CMC1: variants seen among roughly 807,000 people sequenced by gnomAD.
CMC1 encodes C-X9-C motif containing 1.
CMC1 carries 14 observed loss-of-function variants against 14.1 expected under a neutral mutation model. That is an observed-to-expected ratio of 0.99 (90% CI 0.66 to 1.55). The LOEUF is 1.55. CMC1 is among the 40% of genes most tolerant of loss of function. The pLI is 0.00. For missense variants in CMC1, 127 were observed against 123.8 expected (o/e 1.03, Z -0.12); for synonymous variants, 50 against 38.4 (o/e 1.30, Z -1.12).
intron 2 of CMC1, among the ~76,000 whole-genome samples, chr3:28,283,551 C>CAAAAAAAACA (rs1701014203): frequency 8.5e-6 from 1 of 118,288 alleles, no homozygotes; most frequent in African/African-American, 3.1e-5. Flanking sequence ...ACAACAAAAA[C>CAAAAAAAACA]AAAAAAAAAA....
chr3:28,253,472 T>C (rs1042533669), intron 1 of CMC1, among the ~76,000 whole-genome samples: 1 of 152,108 alleles, frequency 6.6e-6, no homozygotes, highest in Non-Finnish European at 1.5e-5. Context: ...TTCCAACTAC[T>C]TGGGAGGCTG....
rs960165341 is a variant in CMC1, at chr3:28,269,264, A to G, written c.109+5884A>G. On this transcript the variant is annotated intron_variant, in intron 2 of 3. Transcript: ENST00000466830. ...TTACTTACTGATCCAGTGGTTCTCA[A>G]TTGTATGTGTTAGCTCATATGCTCA... Among the ~76,000 whole-genome samples, 10 of 152,272 alleles carry G rather than the reference A, an allele frequency of 6.6e-5. No individual in the cohort carries two copies. The South Asian group carries it at 8.3e-4, about 13-fold the overall frequency.
At chr3:28,256,174 T>C (rs1029073911) in intron 1 of CMC1, among the ~76,000 whole-genome samples, 6 of 151,502 alleles carry the variant, frequency 4.0e-5, no homozygotes, top group Non-Finnish European at 7.4e-5. Flanking sequence ...TATATATATA[T>C]ACACACATAT....
chr3:28,254,826 A>G (rs1411126813), intron 1 of CMC1, among the ~76,000 whole-genome samples: 1 of 152,224 alleles, frequency 6.6e-6, no homozygotes, highest in Non-Finnish European at 1.5e-5. Flanking sequence ...GTAATTTTGT[A>G]TAATCCAATG....
intron 1 of CMC1, among the ~76,000 whole-genome samples, chr3:28,244,510 A>G (rs1199787222): frequency 3.9e-5 from 6 of 152,166 alleles, no homozygotes; most frequent in African/African-American, 1.4e-4. Context: ...GGCAGATCGC[A>G]TGAGCTCAGG....
intron 2 of CMC1, among the ~76,000 whole-genome samples, chr3:28,285,269 G>T (rs1044605131): frequency 1.3e-5 from 2 of 152,142 alleles, no homozygotes; most frequent in African/African-American, 4.8e-5. Flanking sequence ...CTCTGCTGGG[G>T]AGGAAGGACT....
chr3:28,284,156 G>C (rs1701049702), intron 2 of CMC1, among the ~76,000 whole-genome samples: 1 of 152,046 alleles, frequency 6.6e-6, no homozygotes, highest in South Asian at 2.1e-4. Context: ...CTTATTTATT[G>C]TTGAGCATAT....
chr3:28,279,754 A>T (rs1292167921), intron 2 of CMC1, among the ~76,000 whole-genome samples: 6 of 152,188 alleles, frequency 3.9e-5, no homozygotes. Flanking sequence ...GAGGGGAAAA[A>T]AAAAGATTTA....
At chr3:28,252,830 C>A (rs1576978483) in intron 1 of CMC1, among the ~76,000 whole-genome samples, 1 of 152,122 alleles carries the variant, frequency 6.6e-6, no homozygotes, top group Non-Finnish European at 1.5e-5. Context: ...TCTTTATCTG[C>A]AAAATGAAAT....
chr3:28,316,561 C>T (rs903697913), intron 3 of CMC1, 138 bp downstream of exon 3: 3 of 423,050 alleles, frequency 7.1e-6, no homozygotes, highest in Non-Finnish European at 1.3e-5. Flanking sequence ...TCTAAAGTTC[C>T]AGTACAGTCT....
intron 2 of CMC1, among the ~76,000 whole-genome samples, chr3:28,278,444 T>C (rs763974697): frequency 2.0e-5 from 3 of 152,172 alleles, no homozygotes; most frequent in Admixed American, 6.5e-5. Context: ...TGTACAATTG[T>C]GGTGGTTCTA....
intron 2 of CMC1, among the ~76,000 whole-genome samples, chr3:28,281,923 A>C (rs1314365890): frequency 6.6e-6 from 1 of 152,150 alleles, no homozygotes; most frequent in Non-Finnish European, 1.5e-5. Flanking sequence ...TGACCTTAGG[A>C]AACCAGTGGT....
intron 1 of CMC1, among the ~76,000 whole-genome samples, chr3:28,253,280 G>A (rs1030477710): frequency 4.6e-5 from 7 of 152,168 alleles, no homozygotes; most frequent in African/African-American, 1.7e-4. Context: ...TTCATAGCTA[G>A]TAAAGAAGAG....
intron 2 of CMC1, among the ~76,000 whole-genome samples, chr3:28,312,880 G>A (rs576124903): frequency 9.6e-4 from 146 of 151,346 alleles, no homozygotes; most frequent in South Asian, 5.9e-3. Flanking sequence ...TTTTTGAGAC[G>A]GAGTCTCACT....
At chr3:28,302,874 C>T (rs187256546) in intron 2 of CMC1, among the ~76,000 whole-genome samples, 32 of 152,230 alleles carry the variant, frequency 2.1e-4, no homozygotes, top group Admixed American at 7.2e-4. Flanking sequence ...TGGGTTAAGT[C>T]TCTATTGCGT....
intron 1 of CMC1, among the ~76,000 whole-genome samples, chr3:28,261,851 A>G (rs1263169589): frequency 6.6e-6 from 1 of 152,152 alleles, no homozygotes; most frequent in Non-Finnish European, 1.5e-5. Context: ...TTGGTATACC[A>G]TATAGGTTCG....
chr3:28,253,064 ACT>A (rs1211042755), intron 1 of CMC1, among the ~76,000 whole-genome samples: 1 of 151,834 alleles, frequency 6.6e-6, no homozygotes, highest in Non-Finnish European at 1.5e-5. Context: ...TCCTCATTTT[ACT>A]CTGTCGTTAT....
chr3:28,310,815 G>A (rs950303967), intron 2 of CMC1, among the ~76,000 whole-genome samples: 4 of 152,156 alleles, frequency 2.6e-5, no homozygotes, highest in African/African-American at 9.6e-5. Flanking sequence ...GTGGTTTTGG[G>A]ATGAAACTAT....
At chr3:28,284,014 C>T (rs915601667) in intron 2 of CMC1, among the ~76,000 whole-genome samples, 2 of 152,084 alleles carry the variant, frequency 1.3e-5, no homozygotes, top group African/African-American at 4.8e-5. Context: ...ATGCCTAGAT[C>T]GCAAAATTTG....
Sources: allele counts gnomAD v4.1 joint callset (sites outside exome capture counted in the v4.1 genomes callset), GRCh38; gene constraint gnomAD v4.1.1; transcripts MANE v1.5; gene names NCBI Gene and HGNC (gene_info 2026-07-23, HGNC 2026-07-21).